The following APC variants were observed in gnomAD, a reference collection of about 807,000 sequenced individuals.
The protein encoded by APC is adenomatous polyposis coli protein.
Under a neutral mutation model 247.0 loss-of-function variants are expected in APC, and 72 were observed. The observed-to-expected ratio is 0.29, with a 90% CI of 0.24 to 0.35. The LOEUF (loss-of-function observed/expected upper bound fraction) is 0.35, where lower values mean the gene tolerates loss of function less well. Ranked by LOEUF, APC falls within the 10% of genes least tolerant of loss-of-function variation. The pLI is 1.00. For synonymous variants in APC, 1,254 were observed against 1,162.5 expected, an observed-to-expected ratio of 1.08 and a Z score of -1.60; for missense variants, 3,400 against 3,360.7, an observed-to-expected ratio of 1.01 and a Z score of -0.29.
chr5:112,833,992 A>T (rs982837368), intron 14 of APC, among the ~76,000 whole-genome samples: 4 of 152,014 alleles, frequency 2.6e-5, no homozygotes, highest in African/African-American at 4.8e-5. Flanking sequence ...CTCACTGTCA[A>T]CCAGGCTTGA....
At chr5:112,757,244 CA>C (rs1261762990) in intron 2 of APC, among the ~76,000 whole-genome samples, 1 of 152,100 alleles carries the variant, frequency 6.6e-6, no homozygotes, top group Non-Finnish European at 1.5e-5. Context: ...TGTGAAAGAG[CA>C]TAAACCATGA....
intron 6 of APC, among the ~76,000 whole-genome samples, chr5:112,791,869 A>G (rs1489734035): frequency 2.0e-5 from 3 of 152,212 alleles, no homozygotes; most frequent in South Asian, 2.1e-4. Flanking sequence ...GCAACATACA[A>G]TTTGATATAT....
intron 6 of APC, among the ~76,000 whole-genome samples, chr5:112,789,040 G>C (rs1413188661): frequency 6.6e-6 from 1 of 152,176 alleles, no homozygotes; most frequent in East Asian, 1.9e-4. Flanking sequence ...TGTTTACACA[G>C]TTAAGTGTAC....
In APC at chr5:112,827,920, A is replaced by C. The variant is rs1057521553; in HGVS notation, c.1549-9A>C. On this transcript the variant is annotated splice_polypyrimidine_tract_variant and intron_variant, in intron 12 of 15. Coordinates refer to ENST00000257430, the MANE Select transcript of APC (RefSeq NM_000038.6). Reference sequence around the variant, plus strand: ...TTTAATGATCCTCTATTCTGTATTTAATTTACAGGCTACGCTATGCTCTAT... The same window carrying C: ...TTTAATGATCCTCTATTCTGTATTTCATTTACAGGCTACGCTATGCTCTAT... The C allele has an allele frequency of 6.2e-7, 1 of 1,611,542 alleles. No homozygotes were observed. The highest frequency in any genetic ancestry group is 8.5e-7 in the Non-Finnish European group (1 of 1,178,384).
Position 112,839,978 on chromosome 5 carries a change from A to G in APC, c.4384A>G (p.Lys1462Glu), listed in dbSNP as rs202204285. 3 of 1,614,124 alleles carry G rather than the reference A, an allele frequency of 1.9e-6. No individual in the cohort carries two copies. Among genetic ancestry groups the G allele is most frequent in the Non-Finnish European group, 8.5e-7 (1 of 1,180,038 alleles). Reference protein sequence around the residue: ...VPKNKAPTAEKRESGPKQAAV... With the variant: ...VPKNKAPTAEERESGPKQAAV... Reference sequence around the variant, plus strand: ...TAAAAATAAAGCACCTACTGCTGAAAAGAGAGAGAGTGGACCTAAGCAAGC... The same window carrying G: ...TAAAAATAAAGCACCTACTGCTGAAGAGAGAGAGAGTGGACCTAAGCAAGC... Residue 1462 changes from lysine to glutamate, a missense_variant, in exon 16 of 16, where the codon AAG becomes GAG. Transcript: ENST00000257430. The surrounding 1 kb of genome is among the most constrained non-coding windows in gnomAD (Gnocchi z 5.0).
At chr5:112,808,892 A>G (rs1434013613) in intron 8 of APC, among the ~76,000 whole-genome samples, 1 of 152,210 alleles carries the variant, frequency 6.6e-6, no homozygotes, top group Admixed American at 6.5e-5. Context: ...TTTAGGGGGA[A>G]GGAGAAGTCG....
chr5:112,798,992 C>G (rs1038373630), intron 7 of APC, among the ~76,000 whole-genome samples: 1 of 151,936 alleles, frequency 6.6e-6, no homozygotes, highest in Non-Finnish European at 1.5e-5. Context: ...GGCAGATCAC[C>G]TGAGGTCAGG....
rs775126020 is a variant in APC at position 112,819,026 on chromosome 5, C to T, written c.994C>T (p.Arg332Ter). The change falls in exon 10 of 16, where the codon CGA (arginine) becomes TGA (stop). Residue 332 changes from arginine (R) to a stop codon, truncating the protein, a stop_gained. Transcript: ENST00000257430. LOFTEE classifies it high-confidence loss of function. The stretch of plus-strand genomic sequence containing the variant: ...TACTCATGATAAGGATGATATGTCG[C>T]GAACTTTGCTAGCTATGTCTAGCTC... Reference protein sequence around the residue: ...LGTHDKDDMSRTLLAMSSSQD... With the variant: ...LGTHDKDDMS The T allele has an allele frequency of 6.2e-7, 1 of 1,614,068 alleles. No homozygotes were observed. Among genetic ancestry groups the T allele is most frequent in the Non-Finnish European group, 8.5e-7 (1 of 1,179,980 alleles).
intron 8 of APC, among the ~76,000 whole-genome samples, chr5:112,802,587 T>A (rs530607735): frequency 6.6e-6 from 1 of 152,252 alleles, no homozygotes; most frequent in African/African-American, 2.4e-5. Context: ...ATAAATTGGA[T>A]CCATATTACA....
chr5:112,828,647 A>C (rs1230643135), intron 13 of APC, among the ~76,000 whole-genome samples: 1 of 152,042 alleles, frequency 6.6e-6, no homozygotes, highest in East Asian at 1.9e-4. Context: ...ACAGGGTCTC[A>C]CTGTGTTACC....
At chr5:112,808,931 G>C (rs765033372) in intron 8 of APC, among the ~76,000 whole-genome samples, 4 of 152,154 alleles carry the variant, frequency 2.6e-5, no homozygotes, top group Non-Finnish European at 5.9e-5. Flanking sequence ...CTGTTAGGCA[G>C]CTAGAAGGGT....
At chr5:112,738,015 C>A in intron 1 of APC, 90 bp downstream of exon 1, 3 of 861,740 alleles carry the variant, frequency 3.5e-6, no homozygotes, top group Non-Finnish European at 4.2e-6. Context: ...GATGGCCTTT[C>A]CTTGGCACAG....
intron 6 of APC, among the ~76,000 whole-genome samples, chr5:112,784,737 C>T (rs961577891): frequency 2.0e-5 from 3 of 151,840 alleles, no homozygotes; most frequent in Non-Finnish European, 4.4e-5. Flanking sequence ...ATCTCATTTG[C>T]AAGGGGAAGG....
intron 14 of APC, among the ~76,000 whole-genome samples, chr5:112,832,010 C>A (rs1477643768): frequency 6.6e-6 from 1 of 152,164 alleles, no homozygotes; most frequent in Non-Finnish European, 1.5e-5. Flanking sequence ...CAACCCTTCT[C>A]CTTGATCATA....
chr5:112,756,565 G>A (rs987557950), intron 2 of APC, among the ~76,000 whole-genome samples: 3 of 152,108 alleles, frequency 2.0e-5, no homozygotes, highest in Non-Finnish European at 4.4e-5. Context: ...GGTATATTTC[G>A]CAGAGAACTC....
chr5:112,765,261 C>G lies in APC; in HGVS notation c.136-1065C>G, dbSNP rs1756152767. Reference sequence around the variant, plus strand: ...CTGGGACTACAGGCACATGCCACCACTCATGGTTTTTGTTTGTTTGTTTTT... The same window carrying G: ...CTGGGACTACAGGCACATGCCACCAGTCATGGTTTTTGTTTGTTTGTTTTT... On this transcript the variant is annotated intron_variant, in intron 2 of 15. Coordinates refer to ENST00000257430, the MANE Select transcript of APC (RefSeq NM_000038.6). Among the ~76,000 whole-genome samples, 7 of 152,064 alleles carry G rather than the reference C, an allele frequency of 4.6e-5. No individual in the cohort carries two copies. In the South Asian group the frequency reaches 1.5e-3, roughly 32 times the overall value.
intron 4 of APC, among the ~76,000 whole-genome samples, chr5:112,768,513 C>CTT (rs76547596): frequency 2.3e-5 from 3 of 129,942 alleles, no homozygotes; most frequent in Non-Finnish European, 3.4e-5. Flanking sequence ...TGAAATACTT[C>CTT]TTTTTTTTTT....
chr5:112,772,332 A>G (rs1435586250), intron 4 of APC, among the ~76,000 whole-genome samples: 1 of 152,078 alleles, frequency 6.6e-6, no homozygotes, highest in Admixed American at 6.5e-5. Flanking sequence ...CAACTACCAT[A>G]ATTTAATCAC....
At chr5:112,811,771 C>T (rs148118194) in intron 8 of APC, among the ~76,000 whole-genome samples, 82 of 152,332 alleles carry the variant, frequency 5.4e-4, no homozygotes, top group African/African-American at 2.0e-3. Flanking sequence ...TGCTGCATAA[C>T]AAATTGCCCC....
Sources: allele counts gnomAD v4.1 joint callset (sites outside exome capture counted in the v4.1 genomes callset), GRCh38; gene constraint gnomAD v4.1.1; non-coding constraint Gnocchi (gnomAD v3.1); transcripts MANE v1.5; gene names NCBI Gene and HGNC (gene_info 2026-07-23, HGNC 2026-07-21).